Variants in PPTC7 observed in about 807,000 individuals in gnomAD.
PPTC7 encodes the protein protein phosphatase targeting COQ7, also known as protein phosphatase PTC7 homolog.
A neutral mutation model predicts 30.8 loss-of-function variants in PPTC7; 6 were observed. The observed-to-expected ratio is 0.19, with a 90% CI of 0.11 to 0.38. The LOEUF (loss-of-function observed/expected upper bound fraction) is 0.38. Ranked by LOEUF, PPTC7 falls within the 10% of genes least tolerant of loss-of-function variation. The pLI is 1.00. For missense variants in PPTC7, 218 were observed against 404.8 expected, an observed-to-expected ratio of 0.54 and a Z score of 3.96; for synonymous variants, 163 against 168.1, an observed-to-expected ratio of 0.97 and a Z score of 0.23.
intron 1 of PPTC7, among the ~76,000 whole-genome samples, chr12:110,555,894 A>G (rs2064382928): frequency 6.6e-6 from 1 of 152,240 alleles, no homozygotes; most frequent in Non-Finnish European, 1.5e-5. Flanking sequence ...ATGTTAAAAC[A>G]CAGAATATAA....
chr12:110,578,601 C>A (rs1431073252), intron 1 of PPTC7, among the ~76,000 whole-genome samples: 1 of 152,114 alleles, frequency 6.6e-6, no homozygotes, highest in African/African-American at 2.4e-5. Context: ...ATTTCTCTTT[C>A]TCATATAAAA....
intron 1 of PPTC7, among the ~76,000 whole-genome samples, chr12:110,564,498 T>G (rs1390290211): frequency 2.6e-5 from 4 of 152,152 alleles, no homozygotes; most frequent in African/African-American, 9.7e-5. Flanking sequence ...AGAATTCTTG[T>G]CAACCTGATA....
intron 2 of PPTC7, chr12:110,546,434 A>G: frequency 4.7e-6 from 1 of 212,734 alleles, no homozygotes; most frequent in South Asian, 8.0e-5. Flanking sequence ...TTGTTGAGAT[A>G]TTAAGTTTTA....
At chr12:110,573,913 G>A (rs1197295070) in intron 1 of PPTC7, among the ~76,000 whole-genome samples, 4 of 151,830 alleles carry the variant, frequency 2.6e-5, no homozygotes, top group African/African-American at 7.3e-5. Flanking sequence ...CCCGGGAGGC[G>A]GAGGTTACGG....
Position 110,536,732 on chromosome 12 carries a change from CTTTG to C in PPTC7, c.*301_*304del. On this transcript the variant is annotated 3_prime_UTR_variant, in exon 6 of 6. Coordinates refer to ENST00000354300, the MANE Select transcript of PPTC7 (RefSeq NM_139283.2). ...TTACTCATTTTCAATACTTCAACTACTTTGAAAAGTAACAGCCACGGTGGCACTG... is the reference window on the plus strand; with the variant it reads ...TTACTCATTTTCAATACTTCAACTACAAAAGTAACAGCCACGGTGGCACTG... The C allele has an allele frequency of 3.0e-6, 1 of 329,606 alleles. No individual in the cohort carries two copies. The highest frequency in any genetic ancestry group is 5.2e-5 in the East Asian group (1 of 19,242). 20.4% of individuals were successfully genotyped at this position (329,606 alleles called of 1,614,324 possible). A position where few individuals can be genotyped will look rare whatever the true frequency, so the allele number is the denominator to read the frequency against.
intron 3 of PPTC7, among the ~76,000 whole-genome samples, chr12:110,542,576 CAGG>C (rs1565916980): frequency 1.4e-5 from 2 of 144,340 alleles, no homozygotes; most frequent in Non-Finnish European, 3.0e-5. Context: ...GAGGCTGAAG[CAGG>C]AGAATTGCTA....
In PPTC7 at chr12:110,538,236, CT is replaced by C; in HGVS notation, c.763del (p.Ser255AlafsTer28). 1 of 1,614,086 alleles carries C rather than the reference CT, an allele frequency of 6.2e-7. No homozygotes were observed. On this transcript the variant is annotated frameshift_variant, in exon 5 of 6. Transcript: ENST00000354300. LOFTEE classifies it high-confidence loss of function. ...CAGCTCATGAGCTTGCTCAGCAATG[CT>C]TCTGGCAGTCTGTTGTATACTCTCA... ...NYESIQQTAR[S>X]IAEQAHELAY...
rs147920901 is a variant in PPTC7 at position 110,540,702 on chromosome 12, C to T, written c.603-757G>A. Among the ~76,000 whole-genome samples the T allele has an allele frequency of 6.8e-3, 1,040 of 151,826 alleles. 1 individual carries two copies. Among genetic ancestry groups the T allele is most frequent in the Non-Finnish European group, 9.4e-3 (637 of 67,962 alleles). The stretch of plus-strand genomic sequence containing the variant: ...CACATATTTCACTCATCAGTTTCCT[C>T]GAATATTTGAATCTGGGTCCTGGAG... On this transcript the variant is annotated intron_variant, in intron 3 of 5. Transcript: ENST00000354300.
At chr12:110,562,050 A>G (rs2064442153) in intron 1 of PPTC7, among the ~76,000 whole-genome samples, 1 of 152,136 alleles carries the variant, frequency 6.6e-6, no homozygotes, top group African/African-American at 2.4e-5. Context: ...CAGGAGGTTG[A>G]GGCTGCAGTG....
intron 1 of PPTC7, among the ~76,000 whole-genome samples, chr12:110,555,590 A>T (rs974482175): frequency 1.3e-5 from 2 of 152,188 alleles, no homozygotes; most frequent in African/African-American, 4.8e-5. Context: ...TAAGTAAGAG[A>T]TCCATTTCAT....
At chr12:110,545,230 C>T (rs1040579353) in intron 3 of PPTC7, among the ~76,000 whole-genome samples, 3 of 152,210 alleles carry the variant, frequency 2.0e-5, no homozygotes, top group South Asian at 2.1e-4. Flanking sequence ...GTAGCTGGGA[C>T]TACAGGCGCC....
intron 1 of PPTC7, among the ~76,000 whole-genome samples, chr12:110,578,871 C>T (rs1054347616): frequency 6.6e-6 from 1 of 152,188 alleles, no homozygotes; most frequent in Admixed American, 6.5e-5. Context: ...CTTAGCCAGA[C>T]ACTGTGGCTC....
Position 110,535,385 on chromosome 12 carries a change from G to A in PPTC7, c.*1652C>T, listed in dbSNP as rs1023972158. 6.6e-6 allele frequency: 1 copy of A among 152,602 alleles called. No individual in the cohort carries two copies. Among genetic ancestry groups the A allele is most frequent in the Non-Finnish European group, 1.5e-5 (1 of 68,044 alleles). The allele number at this position is 152,602 out of a possible 1,614,324, so 9.5% of individuals were successfully genotyped here. A position where few individuals can be genotyped will look rare whatever the true frequency, so the allele number is the denominator to read the frequency against. On this transcript the variant is annotated 3_prime_UTR_variant, in exon 6 of 6. Transcript: ENST00000354300. ...CATTCTTATTATAAATGAAATGCCT[G>A]TTACAAGCATGATGCATTGAAATAT...
intron 1 of PPTC7, among the ~76,000 whole-genome samples, chr12:110,566,444 AGCATGGCCTTGG>A: frequency 6.6e-6 from 1 of 152,314 alleles, no homozygotes; most frequent in South Asian, 2.1e-4. Context: ...AGATGTGCTA[AGCATGGCCTTGG>A]GCAGCTCTCT....
At chr12:110,566,820 A>G (rs1368855144) in intron 1 of PPTC7, among the ~76,000 whole-genome samples, 1 of 152,200 alleles carries the variant, frequency 6.6e-6, no homozygotes, top group African/African-American at 2.4e-5. Flanking sequence ...TCAATATTCC[A>G]TTAAACATTC....
intron 1 of PPTC7, among the ~76,000 whole-genome samples, chr12:110,561,439 G>A (rs1043806385): frequency 2.0e-5 from 3 of 151,876 alleles, no homozygotes; most frequent in African/African-American, 7.3e-5. Flanking sequence ...TCAGCCTCCC[G>A]AGTAGCTGGT....
chr12:110,550,223 ATTT>A (rs796973487), intron 2 of PPTC7, among the ~76,000 whole-genome samples: 45 of 103,026 alleles, frequency 4.4e-4, no homozygotes, highest in Admixed American at 1.5e-3. Flanking sequence ...ACAGGGGCTG[ATTT>A]TTTTTTTTTT....
intron 1 of PPTC7, among the ~76,000 whole-genome samples, chr12:110,562,459 T>C (rs1316099464): frequency 6.6e-6 from 1 of 152,132 alleles, no homozygotes; most frequent in South Asian, 2.1e-4. Flanking sequence ...TAGATTATGC[T>C]GCACTTCCTG....
intron 1 of PPTC7, among the ~76,000 whole-genome samples, chr12:110,574,942 C>CTTTTTTTT (rs77125076): frequency 1.2e-4 from 15 of 128,940 alleles, no homozygotes; most frequent in Non-Finnish European, 2.0e-4. Context: ...CCATGCCCGG[C>CTTTTTTTT]TTTTTTTTTT....
Sources: gnomAD v4.1 joint callset for allele counts (sites outside exome capture counted in the v4.1 genomes callset) on GRCh38, gnomAD v4.1.1 for gene constraint, MANE v1.5 for transcripts, NCBI Gene and HGNC (gene_info 2026-07-23, HGNC 2026-07-21) for gene names.